Variants in RABGAP1L observed in about 807,000 individuals in gnomAD.
RABGAP1L encodes rab GTPase-activating protein 1-like.
In RABGAP1L, 63 loss-of-function variants were observed where a neutral mutation model predicts 137.7. The observed-to-expected ratio is 0.46, with a 90% CI of 0.37 to 0.56. The LOEUF is 0.56. Ranked by LOEUF, RABGAP1L falls within the 20% of genes least tolerant of loss-of-function variation. The pLI, the probability that RABGAP1L is intolerant of heterozygous loss-of-function variation, is 0.00. For missense variants in RABGAP1L, 1,095 were observed against 1,244.0 expected, an observed-to-expected ratio of 0.88 and a Z score of 1.80; for synonymous variants, 431 against 433.7, an observed-to-expected ratio of 0.99 and a Z score of 0.08.
At chr1:174,684,393 G>A (rs1394732873) in intron 15 of RABGAP1L, among the ~76,000 whole-genome samples, 3 of 152,132 alleles carry the variant, frequency 2.0e-5, no homozygotes, top group South Asian at 2.1e-4. Context: ...ATGAGAAAAT[G>A]TATGGAAGTA....
chr1:174,490,678 G>A (rs1660135563), intron 13 of RABGAP1L, among the ~76,000 whole-genome samples: 1 of 152,114 alleles, frequency 6.6e-6, no homozygotes, highest in Non-Finnish European at 1.5e-5. Context: ...AGTTCCCTTA[G>A]GCCCAAATGG....
chr1:174,166,077 T>A (rs1664884997), intron 1 of RABGAP1L, among the ~76,000 whole-genome samples: 1 of 152,228 alleles, frequency 6.6e-6, no homozygotes, highest in Non-Finnish European at 1.5e-5. Context: ...AGGATTTATA[T>A]GTTATGATTA....
intron 14 of RABGAP1L, among the ~76,000 whole-genome samples, chr1:174,668,665 T>C (rs1038715572): frequency 6.6e-6 from 1 of 152,198 alleles, no homozygotes; most frequent in Non-Finnish European, 1.5e-5. Flanking sequence ...GTTCGAATTT[T>C]AATTTTTTGA....
chr1:174,558,971 A>G (rs1420410104), intron 13 of RABGAP1L, among the ~76,000 whole-genome samples: 4 of 152,208 alleles, frequency 2.6e-5, no homozygotes, highest in African/African-American at 9.6e-5. Context: ...CTATCTGGAA[A>G]TAATCTGTTC....
intron 13 of RABGAP1L, among the ~76,000 whole-genome samples, chr1:174,527,307 G>A (rs1468260581): frequency 1.3e-5 from 2 of 149,716 alleles, no homozygotes; most frequent in East Asian, 4.1e-4. Flanking sequence ...TGATTCAAGC[G>A]ATTCTTTGCC....
intron 19 of RABGAP1L, among the ~76,000 whole-genome samples, chr1:174,936,327 G>T (rs1664788494): frequency 6.6e-6 from 1 of 152,046 alleles, no homozygotes; most frequent in Admixed American, 6.6e-5. Context: ...AATTAGCTGG[G>T]AGTGCTGGCA....
chr1:174,309,587 T>G (rs1678624805), intron 11 of RABGAP1L, among the ~76,000 whole-genome samples: 1 of 152,088 alleles, frequency 6.6e-6, no homozygotes, highest in Non-Finnish European at 1.5e-5. Context: ...TGTCAAATGC[T>G]TCTTCTGTAT....
intron 13 of RABGAP1L, among the ~76,000 whole-genome samples, chr1:174,564,225 A>G (rs1667417997): frequency 6.6e-6 from 1 of 152,184 alleles, no homozygotes; most frequent in Non-Finnish European, 1.5e-5. Context: ...TTGGAAAACC[A>G]CAAACAAGAT....
chr1:174,487,366 A>G (rs1037103468), intron 13 of RABGAP1L, among the ~76,000 whole-genome samples: 13 of 152,132 alleles, frequency 8.5e-5, no homozygotes, highest in African/African-American at 3.1e-4. Context: ...TGACCCTTTT[A>G]TCATTATATA....
chr1:174,941,644 T>C (rs1432283364), intron 19 of RABGAP1L, among the ~76,000 whole-genome samples: 1 of 151,886 alleles, frequency 6.6e-6, no homozygotes, highest in Non-Finnish European at 1.5e-5. Context: ...TCTTCAGTCT[T>C]TGGAGGCACT....
intron 13 of RABGAP1L, among the ~76,000 whole-genome samples, chr1:174,403,774 A>T (rs1571638957): frequency 6.6e-6 from 1 of 151,154 alleles, no homozygotes; most frequent in Admixed American, 6.6e-5. Context: ...TGAAATACGA[A>T]GTGTCAGATT....
intron 17 of RABGAP1L, among the ~76,000 whole-genome samples, chr1:174,741,436 C>T (rs544728102): frequency 6.6e-6 from 1 of 152,232 alleles, no homozygotes; most frequent in Non-Finnish European, 1.5e-5. Context: ...GATCACTGCT[C>T]ACTGTGGCCT....
At chr1:174,919,818 T>G (rs1000544394) in intron 19 of RABGAP1L, among the ~76,000 whole-genome samples, 1 of 152,310 alleles carries the variant, frequency 6.6e-6, no homozygotes, top group Middle Eastern at 3.4e-3. Flanking sequence ...ATCATGCCAC[T>G]GCACTCCAGC....
intron 13 of RABGAP1L, among the ~76,000 whole-genome samples, chr1:174,633,405 C>G (rs1202221351): frequency 6.6e-6 from 1 of 150,798 alleles, no homozygotes; most frequent in Non-Finnish European, 1.5e-5. Context: ...AATGGAAGAA[C>G]ATTCCATGCT....
At chr1:174,741,911 C>T (rs762618151) in intron 17 of RABGAP1L, among the ~76,000 whole-genome samples, 13 of 142,026 alleles carry the variant, frequency 9.2e-5, no homozygotes, top group Admixed American at 2.1e-4. Flanking sequence ...TGGTGGCATG[C>T]GCCTATAGAC....
intron 19 of RABGAP1L, among the ~76,000 whole-genome samples, chr1:174,946,368 A>G (rs1482451586): frequency 2.0e-5 from 3 of 152,118 alleles, no homozygotes; most frequent in Non-Finnish European, 2.9e-5. Flanking sequence ...AGCTGGGTGC[A>G]GGGGCATGTT....
At chr1:174,507,077 T>C (rs1327935146) in intron 13 of RABGAP1L, among the ~76,000 whole-genome samples, 2 of 152,338 alleles carry the variant, frequency 1.3e-5, no homozygotes, top group Non-Finnish European at 2.9e-5. Context: ...TTTTAATTTT[T>C]ACTTGTCAAT....
intron 12 of RABGAP1L, among the ~76,000 whole-genome samples, chr1:174,384,457 C>T (rs1686562964): frequency 1.3e-5 from 2 of 151,580 alleles, no homozygotes; most frequent in Admixed American, 6.6e-5. Flanking sequence ...GAAAAAAAAG[C>T]CCTGAGTTTT....
intron 13 of RABGAP1L, among the ~76,000 whole-genome samples, chr1:174,582,348 A>C (rs1668806390): frequency 6.6e-6 from 1 of 152,274 alleles, no homozygotes; most frequent in African/African-American, 2.4e-5. Flanking sequence ...TCATTAGTGA[A>C]CATCTTGAAG....
Sources: gnomAD v4.1 joint callset for allele counts (sites outside exome capture counted in the v4.1 genomes callset) on GRCh38, gnomAD v4.1.1 for gene constraint, MANE v1.5 for transcripts, NCBI Gene and HGNC (gene_info 2026-07-23, HGNC 2026-07-21) for gene names.